REPS1: variants seen among roughly 807,000 people sequenced by gnomAD.
REPS1 encodes ralBP1-associated Eps domain-containing protein 1.
REPS1 carries 39 observed loss-of-function variants against 100.9 expected under a neutral mutation model. The observed-to-expected ratio is 0.39, with a 90% CI of 0.30 to 0.50. REPS1 has a LOEUF of 0.50. Among genes scored for constraint, REPS1 ranks in the 20% least tolerant of loss-of-function variants. The probability of loss-of-function intolerance (pLI) is 0.86; values close to 1 mark genes in which losing one functional copy is unlikely to be tolerated. For missense variants in REPS1, 821 were observed against 968.5 expected, an observed-to-expected ratio of 0.85 and a Z score of 2.02; for synonymous variants, 324 against 340.3, an observed-to-expected ratio of 0.95 and a Z score of 0.53.
intron 1 of REPS1, among the ~76,000 whole-genome samples, chr6:138,965,369 A>T (rs966784904): frequency 3.4e-5 from 5 of 148,572 alleles, no homozygotes; most frequent in Admixed American, 6.7e-5. Flanking sequence ...AAAAGGCTTT[A>T]AAAAAAAAAC....
chr6:138,913,089 G>C, intron 15 of REPS1, 139 bp from the exon 16 acceptor site: 1 of 592,134 alleles, frequency 1.7e-6, no homozygotes. Context: ...GTGTATTATA[G>C]TAACATTTAG....
At chr6:138,920,909 C>T in intron 11 of REPS1, 128 bp downstream of exon 11, 2 of 663,780 alleles carry the variant, frequency 3.0e-6, no homozygotes, top group Non-Finnish European at 5.3e-6. Context: ...TATGCATGAA[C>T]ATATACATAA....
intron 10 of REPS1, among the ~76,000 whole-genome samples, chr6:138,923,618 T>C (rs373073403): frequency 6.6e-6 from 1 of 152,296 alleles, no homozygotes; most frequent in South Asian, 2.1e-4. Context: ...CAGAAGCAGA[T>C]TCTACCAAAG....
chr6:138,952,828 G>GTTTT (rs750091781), intron 1 of REPS1, among the ~76,000 whole-genome samples: 1 of 145,338 alleles, frequency 6.9e-6, no homozygotes, highest in African/African-American at 2.6e-5. Flanking sequence ...ATAGTTTTTT[G>GTTTT]TTTTTGTTTT....
chr6:138,980,090 G>A (rs1364661908), intron 1 of REPS1, among the ~76,000 whole-genome samples: 1 of 152,064 alleles, frequency 6.6e-6, no homozygotes, highest in African/African-American at 2.4e-5. Flanking sequence ...GCAACTTCCA[G>A]CAACATCCTT....
chr6:138,973,062 T>C (rs1644678641), intron 1 of REPS1, among the ~76,000 whole-genome samples: 1 of 152,126 alleles, frequency 6.6e-6, no homozygotes. Flanking sequence ...TACCCTCAAA[T>C]TTTTTGCCAC....
In REPS1 at chr6:138,941,333, A is replaced by G; in HGVS notation, c.1135+2T>C. ...ACAGCTCTCTTCAGCTCCCAATCTT[A>G]CCTGCTGAATCTTCCAAATCAATCA... is the stretch of plus-strand genomic sequence containing the variant. On this transcript the variant is annotated splice_donor_variant, in intron 8 of 19. Transcript: ENST00000450536. LOFTEE classifies it high-confidence loss of function. The G allele has an allele frequency of 6.2e-7, 1 of 1,613,854 alleles. No individual in the cohort carries two copies. Among genetic ancestry groups the G allele is most frequent in the Non-Finnish European group, 8.5e-7 (1 of 1,179,912 alleles).
At chr6:138,938,660 T>TATTTA (rs879471799) in intron 8 of REPS1, among the ~76,000 whole-genome samples, 183 of 152,180 alleles carry the variant, frequency 1.2e-3, no homozygotes, top group Non-Finnish European at 2.3e-3. Flanking sequence ...CAGGATTTAG[T>TATTTA]GTGGTATGTT....
intron 10 of REPS1, 66 bp from the exon 11 acceptor site, chr6:138,921,190 C>A: frequency 9.8e-7 from 1 of 1,022,434 alleles, no homozygotes; most frequent in South Asian, 1.5e-5. Flanking sequence ...ATGCAATAAT[C>A]AAAACAAACA....
intron 8 of REPS1, among the ~76,000 whole-genome samples, chr6:138,937,274 T>C (rs1379677379): frequency 2.0e-5 from 3 of 152,136 alleles, no homozygotes; most frequent in Non-Finnish European, 4.4e-5. Context: ...ACCATATCAA[T>C]TATAAAGTAT....
chr6:138,964,116 C>G (rs562072249), intron 1 of REPS1, among the ~76,000 whole-genome samples: 3 of 152,176 alleles, frequency 2.0e-5, no homozygotes, highest in African/African-American at 4.8e-5. Context: ...CTCAAATGCT[C>G]TTTGATTTCA....
chr6:138,911,443 C>G, intron 16 of REPS1, 72 bp from the exon 17 acceptor site: 1 of 953,404 alleles, frequency 1.0e-6, no homozygotes, highest in Non-Finnish European at 1.7e-6. Context: ...GAATATGTAC[C>G]AAATCAGAAT....
chr6:138,955,457 A>AAGTGTGTGTGTGTGTGTGTGTGTGTGTGT (rs10689184), intron 1 of REPS1, among the ~76,000 whole-genome samples: 1 of 90,720 alleles, frequency 1.1e-5, no homozygotes, highest in Non-Finnish European at 2.0e-5. Flanking sequence ...AAAAAAAAAA[A>AAGTGTGTGTGTGTGTGTGTGTGTGTGTGT]GTGTGTGTGT....
rs71013004 is a variant in REPS1, at chr6:138,969,269, A to ATTTTTTTTTTTTTTTTTTTTTTTTTTTT, written c.153+18233_153+18260dup. 3.2e-4 allele frequency among the ~76,000 whole-genome samples: 24 copies of ATTTTTTTTTTTTTTTTTTTTTTTTTTTT among 74,244 alleles called. 2 individuals are homozygous for ATTTTTTTTTTTTTTTTTTTTTTTTTTTT. The highest frequency in any genetic ancestry group is 4.4e-4 in the Non-Finnish European group (17 of 38,344). 48.7% of individuals were successfully genotyped at this position (74,244 alleles called of 152,430 possible). ...ACACAATCTATGATACAAAGCTGTA[A>ATTTTTTTTTTTTTTTTTTTTTTTTTTTT]TTTTTTTTTTTTTTTTTTTTTTTTT... On this transcript the variant is annotated intron_variant, in intron 1 of 19. Transcript: ENST00000450536.
intron 1 of REPS1, among the ~76,000 whole-genome samples, chr6:138,956,821 A>G (rs563294616): frequency 2.1e-4 from 32 of 151,882 alleles, no homozygotes; most frequent in Non-Finnish European, 4.6e-4. Context: ...GAAAAAAAAA[A>G]CCACACAGAG....
intron 1 of REPS1, among the ~76,000 whole-genome samples, chr6:138,951,404 A>G (rs962150288): frequency 1.3e-5 from 2 of 152,298 alleles, no homozygotes; most frequent in African/African-American, 4.8e-5. Flanking sequence ...ATATTAAGAT[A>G]TAAGTAAGTA....
intron 1 of REPS1, among the ~76,000 whole-genome samples, chr6:138,962,651 G>C (rs1007090913): frequency 3.9e-5 from 6 of 152,030 alleles, no homozygotes; most frequent in Admixed American, 1.3e-4. Flanking sequence ...CACACTTGCT[G>C]TATCTTCAGT....
In REPS1 at chr6:138,943,856, G is replaced by A. The variant is rs1433602686; in HGVS notation, c.913C>T (p.Pro305Ser). 6.2e-7 allele frequency: 1 copy of A among 1,611,814 alleles called. No homozygotes were observed. Among genetic ancestry groups the A allele is most frequent in the Non-Finnish European group, 8.5e-7 (1 of 1,179,138 alleles). Residue 305 changes from proline (P) to serine (S), a missense_variant, in exon 6 of 20, where the codon CCA becomes TCA. Around this residue, in one of 3 missense-constraint regions of REPS1, gnomAD observed 757 missense variants for 866.4 expected, o/e 0.87. Coordinates refer to ENST00000450536, the MANE Select transcript of REPS1 (RefSeq NM_001286611.2). ...TIQPDLNGFI[P>S]GSAAKEFFTK... ...ACTTCTGTTTTCAACAACTCACCTG[G>A]AATAAATCCGTTTAGATCAGGCTGA...
chr6:138,950,523 C>T (rs189088554), intron 1 of REPS1, among the ~76,000 whole-genome samples: 2 of 152,218 alleles, frequency 1.3e-5, no homozygotes, highest in Non-Finnish European at 2.9e-5. Context: ...TATTTAAAAA[C>T]TCATCTTTTC....
Sources: gnomAD v4.1 joint callset for allele counts (sites outside exome capture counted in the v4.1 genomes callset) on GRCh38, gnomAD v4.1.1 for gene constraint, gnomAD v4.1.1 regional missense constraint, MANE v1.5 for transcripts, NCBI Gene and HGNC (gene_info 2026-07-23, HGNC 2026-07-21) for gene names.